The following TG variants were observed in gnomAD, a reference collection of about 807,000 sequenced individuals.
TG encodes thyroglobulin.
In TG, 270 loss-of-function variants were observed where a neutral mutation model predicts 324.7. The observed-to-expected ratio is 0.83, with a 90% CI of 0.75 to 0.92. The LOEUF is 0.92. Among genes scored for constraint, TG ranks in the 40% least tolerant of loss-of-function variants. The pLI is 0.00. For synonymous variants in TG, 1,401 were observed against 1,327.0 expected, an observed-to-expected ratio of 1.06 and a Z score of -1.21; for missense variants, 3,591 against 3,456.4, an observed-to-expected ratio of 1.04 and a Z score of -0.98.
At chr8:132,959,395 A>G (rs1480943784) in intron 27 of TG, among the ~76,000 whole-genome samples, 3 of 152,250 alleles carry the variant, frequency 2.0e-5, no homozygotes, top group Non-Finnish European at 4.4e-5. Context: ...AGATTAATGC[A>G]TAAGATTATA....
chr8:132,882,576 C>T lies in TG; in HGVS notation c.853C>T (p.Leu285Phe). ...TLYRILQRRF[L>F]AVQSVISGRF... is the part of the protein sequence containing the mutation. ...GTACCGGATACTGCAGAGACGGTTC[C>T]TCGCAGTTCAATCAGTCATCTCTGG... Residue 285 changes from leucine to phenylalanine, a missense_variant, in exon 7 of 48, where the codon CTC becomes TTC. Leu to Phe is a conservative substitution (Grantham distance 22). Transcript: ENST00000220616. 3.1e-6 allele frequency: 5 copies of T among 1,614,218 alleles called. No homozygotes were observed. The highest frequency in any genetic ancestry group is 1.1e-5 in the South Asian group (1 of 91,074).
chr8:132,959,389 T>C (rs146458434), intron 27 of TG, among the ~76,000 whole-genome samples: 2,058 of 152,282 alleles, frequency 0.014, 21 homozygotes, highest in Non-Finnish European at 0.023. Context: ...ATTATAAGAT[T>C]AATGCATAAG....
At chr8:133,013,982 G>A (rs909908568) in intron 37 of TG, among the ~76,000 whole-genome samples, 2 of 152,144 alleles carry the variant, frequency 1.3e-5, no homozygotes, top group Non-Finnish European at 2.9e-5. Context: ...AGCCATCTTG[G>A]TTTTGAAGCT....
chr8:133,017,617 A>T, intron 37 of TG, 161 bp from the exon 38 acceptor site: 1 of 725,394 alleles, frequency 1.4e-6, no homozygotes, highest in Non-Finnish European at 2.3e-6. Flanking sequence ...TGAAAACCTG[A>T]CTACATTTAA....
chr8:132,952,337 C>G (rs1587545982), intron 27 of TG, among the ~76,000 whole-genome samples: 1 of 152,132 alleles, frequency 6.6e-6, no homozygotes, highest in Non-Finnish European at 1.5e-5. Flanking sequence ...CTGGCTTTTC[C>G]CCTAGCTCTG....
At chr8:133,049,047 G>C in intron 41 of TG, 1 of 408,686 alleles carries the variant, frequency 2.4e-6, no homozygotes, top group South Asian at 1.7e-5. Flanking sequence ...ACACTTGACA[G>C]ATGAGGATAA....
chr8:132,872,916 G>C lies in TG; in HGVS notation c.479-146G>C. On this transcript the variant is annotated intron_variant, in intron 4 of 47. Coordinates refer to ENST00000220616, the MANE Select transcript of TG (RefSeq NM_003235.5). ...CTAGGTCTGCATAAGTACACTCTAT[G>C]ATGTTCACACGACAATGAAACCGCC... 3.4e-6 allele frequency: 3 copies of C among 877,954 alleles called. No individual in the cohort carries two copies. The South Asian group carries it at 4.6e-5, about 13-fold the overall frequency. The allele number at this position is 877,954 out of a possible 1,614,324, so 54.4% of individuals were successfully genotyped here. A position where few individuals can be genotyped will look rare whatever the true frequency, so the allele number is the denominator to read the frequency against.
At chr8:132,957,769 A>ACACACACACACACACAGACG (rs1827138012) in intron 27 of TG, among the ~76,000 whole-genome samples, 1 of 149,320 alleles carries the variant, frequency 6.7e-6, no homozygotes, top group Non-Finnish European at 1.5e-5. Context: ...ACACACACAC[A>ACACACACACACACACAGACG]CACACACACA....
rs1470211451 is a variant in TG, at chr8:133,029,889, C to T, written c.7105C>T (p.His2369Tyr). Residue 2369 changes from histidine (H) to tyrosine (Y), a missense_variant, in exon 41 of 48, where the codon CAC becomes TAC. Coordinates refer to ENST00000220616, the MANE Select transcript of TG (RefSeq NM_003235.5). ...GGCGGCTCTGACCTGGGTGCAGACC[C>T]ACATCCGAGGATTTGGCGGGGACCC... The part of the protein sequence containing the change: ...QVAALTWVQT[H>Y]IRGFGGDPRR... 2 of 1,614,226 alleles carry T rather than the reference C, an allele frequency of 1.2e-6. No individual in the cohort carries two copies.
At chr8:132,997,540 A>G (rs1450249241) in intron 35 of TG, among the ~76,000 whole-genome samples, 1 of 152,082 alleles carries the variant, frequency 6.6e-6, no homozygotes, top group African/African-American at 2.4e-5. Context: ...GCAGCTGGAG[A>G]CAGGGGAGGC....
intron 41 of TG, among the ~76,000 whole-genome samples, chr8:133,072,688 A>G (rs1198232652): frequency 2.0e-5 from 3 of 152,242 alleles, no homozygotes; most frequent in Non-Finnish European, 4.4e-5. Context: ...ACTAGAATGA[A>G]TAATTTCTGT....
In TG at chr8:132,908,192, A is replaced by C; in HGVS notation, c.3854A>C (p.Gln1285Pro). Residue 1285 changes from glutamine to proline, a missense_variant, in exon 18 of 48, where the codon CAG becomes CCG. By Grantham distance (76) the Gln-to-Pro change is moderately conservative (BLOSUM62 -1). Coordinates refer to ENST00000220616, the MANE Select transcript of TG (RefSeq NM_003235.5). ...CTCTGGTGCTTGCCTGCAGGGCCCC[A>C]GCTGTGGCAGACCATCCAGACCCAA... ...LPQPRACQRP[Q>P]LWQTIQTQGH... The C allele has an allele frequency of 1.2e-6, 2 of 1,613,986 alleles. No individual in the cohort carries two copies. The highest frequency in any genetic ancestry group is 2.2e-5 in the South Asian group (2 of 91,086).
chr8:132,909,719 C>G (rs1425679035), intron 18 of TG, among the ~76,000 whole-genome samples: 1 of 152,200 alleles, frequency 6.6e-6, no homozygotes, highest in Non-Finnish European at 1.5e-5. Flanking sequence ...CTCAGTCAAT[C>G]ATCTGTGAAA....
intron 41 of TG, among the ~76,000 whole-genome samples, chr8:133,041,513 C>T (rs182308228): frequency 1.3e-5 from 2 of 152,214 alleles, no homozygotes; most frequent in East Asian, 3.9e-4. Flanking sequence ...AAATAATGAC[C>T]TGTCATGGGT....
At chr8:133,073,015 A>G (rs1844306546) in intron 41 of TG, 1 of 152,266 alleles carries the variant, frequency 6.6e-6, no homozygotes, top group Non-Finnish European at 1.5e-5. Context: ...TGATTTAGAA[A>G]TGATACCAAT....
chr8:133,086,745 C>A (rs529220088), intron 41 of TG, among the ~76,000 whole-genome samples: 1 of 152,254 alleles, frequency 6.6e-6, no homozygotes, highest in East Asian at 1.9e-4. Context: ...AAAACTTTCT[C>A]ATTTCTTTAT....
chr8:133,016,271 T>C (rs1835017343), intron 37 of TG, among the ~76,000 whole-genome samples: 1 of 152,168 alleles, frequency 6.6e-6, no homozygotes, highest in African/African-American at 2.4e-5. Flanking sequence ...CCCGCTGACA[T>C]TTGGGGCTGG....
At chr8:132,915,210 C>G (rs1261908657) in intron 20 of TG, among the ~76,000 whole-genome samples, 1 of 152,104 alleles carries the variant, frequency 6.6e-6, no homozygotes, top group Non-Finnish European at 1.5e-5. Context: ...CCAGGAGGCT[C>G]CTTGGCCTCA....
chr8:133,109,881 T>G (rs1486233344), intron 43 of TG, among the ~76,000 whole-genome samples: 3 of 152,134 alleles, frequency 2.0e-5, no homozygotes, highest in East Asian at 1.9e-4. Context: ...TATGAACTTG[T>G]TTTACTCCTC....
Sources: gnomAD v4.1 joint callset for allele counts (sites outside exome capture counted in the v4.1 genomes callset) on GRCh38, gnomAD v4.1.1 for gene constraint, MANE v1.5 for transcripts, NCBI Gene and HGNC (gene_info 2026-07-23, HGNC 2026-07-21) for gene names.